STK3: variants seen among roughly 807,000 people sequenced by gnomAD.
STK3 encodes serine/threonine kinase 3, also known as serine/threonine-protein kinase 3.
A neutral mutation model predicts 58.0 loss-of-function variants in STK3; 41 were observed. The observed-to-expected ratio is 0.71, with a 90% CI of 0.55 to 0.92. The LOEUF is 0.92. Among genes scored for constraint, STK3 ranks in the 40% least tolerant of loss-of-function variants. The probability of loss-of-function intolerance (pLI) is 0.00; values close to 1 mark genes in which losing one functional copy is unlikely to be tolerated. For synonymous variants in STK3, 170 were observed against 191.0 expected (o/e 0.89, Z 0.91); for missense variants, 479 against 602.7 (o/e 0.79, Z 2.15).
chr8:98,387,872 C>CTTTTTTTTTTTTTTT (rs1178928185), intron 1 of STK3, among the ~76,000 whole-genome samples: 1 of 144,680 alleles, frequency 6.9e-6, no homozygotes, highest in Non-Finnish European at 1.5e-5. Context: ...TGTAAAATGC[C>CTTTTTTTTTTTTTTT]CTTTTTTTTT....
chr8:98,677,227 T>G (rs1191402790), intron 6 of STK3, among the ~76,000 whole-genome samples: 2 of 152,084 alleles, frequency 1.3e-5, no homozygotes, highest in Non-Finnish European at 2.9e-5. Context: ...CCTTACATCT[T>G]TAATCCTCTC....
intron 7 of STK3, among the ~76,000 whole-genome samples, chr8:98,593,109 A>T (rs1747404713): frequency 6.6e-6 from 1 of 152,088 alleles, no homozygotes; most frequent in Non-Finnish European, 1.5e-5. Flanking sequence ...AGGTATAAGG[A>T]TCATCTTCAG....
chr8:98,436,837 T>G (rs1160789316), intron 2 of STK3: 1 of 152,192 alleles, frequency 6.6e-6, no homozygotes, highest in Non-Finnish European at 1.5e-5. Context: ...GAAACACTAC[T>G]TCAGGGGTGC....
chr8:98,941,230 A>G (rs1397228691), intron 1 of STK3, among the ~76,000 whole-genome samples: 1 of 152,230 alleles, frequency 6.6e-6, no homozygotes, highest in East Asian at 1.9e-4. Flanking sequence ...TTTAAAAGAT[A>G]AAATTCTTAG....
At chr8:98,836,589 A>G (rs1835756584) in intron 3 of STK3, among the ~76,000 whole-genome samples, 1 of 152,198 alleles carries the variant, frequency 6.6e-6, no homozygotes, top group Admixed American at 6.5e-5. Context: ...GTCCTCAGTT[A>G]TAGTTAATAA....
chr8:98,602,122 T>C (rs1021966280), intron 6 of STK3: 1 of 152,246 alleles, frequency 6.6e-6, no homozygotes, highest in Non-Finnish European at 1.5e-5. Flanking sequence ...TATTTTAATA[T>C]TGTACTCTGA....
intron 1 of STK3, among the ~76,000 whole-genome samples, chr8:98,900,578 A>G (rs4735584): frequency 1.3e-5 from 2 of 151,986 alleles, no homozygotes; most frequent in African/African-American, 4.8e-5. Flanking sequence ...ATATGTATAC[A>G]TTACACATAG....
chr8:98,862,752 A>G (rs1836983158), intron 3 of STK3, among the ~76,000 whole-genome samples: 1 of 152,278 alleles, frequency 6.6e-6, no homozygotes, highest in Non-Finnish European at 1.5e-5. Flanking sequence ...TGCAAAATCT[A>G]TTGAAATGGC....
Position 98,587,143 on chromosome 8 carries a change from T to C in STK3, c.823-7354A>G, listed in dbSNP as rs1814700787. Among the ~76,000 whole-genome samples, 3 of 152,174 alleles carry C rather than the reference T, an allele frequency of 2.0e-5. No individual in the cohort carries two copies. In the South Asian group the frequency reaches 6.2e-4, roughly 31 times the overall value. ...GTTATTTCTTGCCTTCTGCTAGCTTTTGAATGTGTTTGCTCTGGCTTTTCT... is the reference window on the plus strand; with the variant it reads ...GTTATTTCTTGCCTTCTGCTAGCTTCTGAATGTGTTTGCTCTGGCTTTTCT... On this transcript the variant is annotated intron_variant, in intron 7 of 10. Transcript: ENST00000419617.
At chr8:98,617,110 A>G (rs202106298) in intron 6 of STK3, among the ~76,000 whole-genome samples, 46 of 151,448 alleles carry the variant, frequency 3.0e-4, no homozygotes, top group African/African-American at 1.1e-3. Flanking sequence ...ATAACAAACT[A>G]TCTCTCAGAC....
rs570311322 is a variant in STK3 at position 98,516,279 on chromosome 8, G to A, written c.1317+10463C>T. Reference sequence around the variant, plus strand: ...AAGGAAGAAATTCTTACAGGTGAGAGTAACTGATATACAATATGGAAAGAC... The same window carrying A: ...AAGGAAGAAATTCTTACAGGTGAGAATAACTGATATACAATATGGAAAGAC... On this transcript the variant is annotated intron_variant, in intron 10 of 10. Transcript: ENST00000419617. Among the ~76,000 whole-genome samples the A allele has an allele frequency of 4.6e-5, 7 of 152,120 alleles. No individual in the cohort carries two copies. The South Asian group carries it at 8.3e-4, about 18-fold the overall frequency.
intron 3 of STK3, among the ~76,000 whole-genome samples, chr8:98,757,104 T>C (rs1563968644): frequency 6.6e-6 from 1 of 152,156 alleles, no homozygotes; most frequent in African/African-American, 2.4e-5. Context: ...TCTTGTGAGC[T>C]GTATATATAA....
At chr8:98,926,867 A>G (rs1839819004) in intron 1 of STK3, among the ~76,000 whole-genome samples, 1 of 152,192 alleles carries the variant, frequency 6.6e-6, no homozygotes, top group African/African-American at 2.4e-5. Context: ...AGCTGGCCCA[A>G]AACCAGTAGG....
intron 4 of STK3, among the ~76,000 whole-genome samples, chr8:98,733,439 T>C (rs1284446978): frequency 3.9e-5 from 6 of 152,150 alleles, no homozygotes; most frequent in South Asian, 4.2e-4. Context: ...ATAAACCCTA[T>C]TGTGAACTGC....
chr8:98,551,761 T>C (rs1811188558), intron 8 of STK3, among the ~76,000 whole-genome samples: 1 of 152,194 alleles, frequency 6.6e-6, no homozygotes, highest in Non-Finnish European at 1.5e-5. Flanking sequence ...ATGCACATTG[T>C]TTTGTATAGC....
At chr8:98,687,849 C>G (rs1030638373) in intron 6 of STK3, among the ~76,000 whole-genome samples, 1 of 152,172 alleles carries the variant, frequency 6.6e-6, no homozygotes, top group African/African-American at 2.4e-5. Flanking sequence ...AACCCACAGA[C>G]TCTATAAAGC....
At chr8:98,650,115 T>C (rs190219281) in intron 6 of STK3, among the ~76,000 whole-genome samples, 4 of 152,346 alleles carry the variant, frequency 2.6e-5, no homozygotes, top group South Asian at 2.1e-4. Context: ...AGTCTGATAA[T>C]ATTTTACTGG....
At chr8:98,916,712 G>A (rs1168423199) in intron 1 of STK3, among the ~76,000 whole-genome samples, 1 of 152,116 alleles carries the variant, frequency 6.6e-6, no homozygotes, top group Non-Finnish European at 1.5e-5. Context: ...CACTGTTCTA[G>A]GCTCTGGGGA....
chr8:98,777,071 A>T (rs1005815077), intron 1 of STK3, among the ~76,000 whole-genome samples: 4 of 151,776 alleles, frequency 2.6e-5, no homozygotes, highest in African/African-American at 9.7e-5. Context: ...ATTAATTAAA[A>T]ATTTTAAAAA....
Sources: allele counts gnomAD v4.1 joint callset (sites outside exome capture counted in the v4.1 genomes callset), GRCh38; gene constraint gnomAD v4.1.1; transcripts MANE v1.5; gene names NCBI Gene and HGNC (gene_info 2026-07-23, HGNC 2026-07-21).